SLC26A3: variants seen among roughly 807,000 people sequenced by gnomAD.
SLC26A3 encodes solute carrier family 26 member 3, also known as chloride anion exchanger.
Under a neutral mutation model 85.6 loss-of-function variants are expected in SLC26A3, and 64 were observed. The ratio of observed to expected loss-of-function variants is 0.75; its 90% CI spans 0.61 to 0.92. SLC26A3 has a LOEUF of 0.92. Among genes scored for constraint, SLC26A3 ranks in the 40% least tolerant of loss-of-function variants. The probability of loss-of-function intolerance (pLI) is 0.00; values close to 1 mark genes in which losing one functional copy is unlikely to be tolerated. For synonymous variants in SLC26A3, 349 were observed against 336.0 expected, an observed-to-expected ratio of 1.04 and a Z score of -0.42; for missense variants, 922 against 927.3, an observed-to-expected ratio of 0.99 and a Z score of 0.07.
intron 1 of SLC26A3, among the ~76,000 whole-genome samples, chr7:107,796,941 G>A (rs969771672): frequency 4.6e-5 from 7 of 152,058 alleles, no homozygotes; most frequent in African/African-American, 1.7e-4. Context: ...AGATCTTGAA[G>A]GTACTTTTAT....
Position 107,787,497 on chromosome 7 carries a change from C to T in SLC26A3, c.748G>A (p.Val250Ile). 2 of 1,613,312 alleles carry T rather than the reference C, an allele frequency of 1.2e-6. No individual in the cohort carries two copies. The highest frequency in any genetic ancestry group is 1.7e-6 in the Non-Finnish European group (2 of 1,179,638). ...PVSIFKVLYSVFSQIEKTNIA... is the reference protein window; with the variant it reads ...PVSIFKVLYSIFSQIEKTNIA... Reference sequence around the variant, plus strand: ...TTAGTCTTCTCTATTTGTGAGAATACAGAGTATAGTACCTACAATTATAAA... The same window carrying T: ...TTAGTCTTCTCTATTTGTGAGAATATAGAGTATAGTACCTACAATTATAAA... Residue 250 changes from valine to isoleucine, a missense_variant, in exon 7 of 21, where the codon GTA (valine) becomes ATA (isoleucine). By Grantham distance (29) the Val-to-Ile change is conservative. Transcript: ENST00000340010.
chr7:107,779,566 A>C, intron 12 of SLC26A3, 102 bp downstream of exon 12: 1 of 979,960 alleles, frequency 1.0e-6, no homozygotes. Flanking sequence ...GATATATAGA[A>C]ACAAAATTTC....
chr7:107,773,087 T>C (rs1794053477), intron 17 of SLC26A3, among the ~76,000 whole-genome samples: 1 of 152,220 alleles, frequency 6.6e-6, no homozygotes, highest in Non-Finnish European at 1.5e-5. Context: ...AGAAATATGA[T>C]TAATCTGTGG....
intron 20 of SLC26A3, 82 bp downstream of exon 20, chr7:107,767,497 A>G: frequency 1.0e-6 from 1 of 1,000,536 alleles, no homozygotes. Flanking sequence ...TTTCTGCCAC[A>G]TGCAGGAAGT....
At chr7:107,802,337 T>C (rs1472658274) in intron 1 of SLC26A3, among the ~76,000 whole-genome samples, 1 of 152,144 alleles carries the variant, frequency 6.6e-6, no homozygotes, top group Non-Finnish European at 1.5e-5. Context: ...TAATGTATTA[T>C]ATTATATTAT....
chr7:107,798,125 AT>A (rs1287213962), intron 1 of SLC26A3, among the ~76,000 whole-genome samples: 1 of 151,310 alleles, frequency 6.6e-6, no homozygotes, highest in Non-Finnish European at 1.5e-5. Context: ...GCTTTTTATT[AT>A]TTTTTTGGCC....
intron 15 of SLC26A3, chr7:107,776,093 C>G (rs1794110302): frequency 3.0e-6 from 1 of 335,764 alleles, no homozygotes; most frequent in Non-Finnish European, 5.7e-6. Context: ...AGGATGTGGT[C>G]AAATATTAAA....
chr7:107,765,797 G>T lies in SLC26A3; in HGVS notation c.*58C>A. On this transcript the variant is annotated 3_prime_UTR_variant, in exon 21 of 21. Transcript: ENST00000340010. ...GTATGAACTTATCAATAACTTTCTG[G>T]GTATAAAGTTGTTTTTATGTCATAG... 1 of 1,218,240 alleles carries T rather than the reference G, an allele frequency of 8.2e-7. No homozygotes were observed. Among genetic ancestry groups the T allele is most frequent in the Non-Finnish European group, 1.2e-6 (1 of 820,666 alleles). 75.5% of individuals were successfully genotyped at this position (1,218,240 alleles called of 1,614,324 possible).
intron 8 of SLC26A3, among the ~76,000 whole-genome samples, chr7:107,786,545 C>G (rs1453721240): frequency 6.7e-6 from 1 of 148,266 alleles, no homozygotes; most frequent in Non-Finnish European, 1.5e-5. Context: ...CCCTGCTTGT[C>G]TTGTTTGTGA....
intron 8 of SLC26A3, among the ~76,000 whole-genome samples, chr7:107,784,173 A>T (rs936937877): frequency 6.6e-6 from 1 of 152,168 alleles, no homozygotes; most frequent in South Asian, 2.1e-4. Context: ...ATGGTAATAC[A>T]TTTTTATCTC....
chr7:107,771,959 A>G (rs1461270253), intron 18 of SLC26A3, 95 bp downstream of exon 18: 1 of 839,640 alleles, frequency 1.2e-6, no homozygotes, highest in East Asian at 2.5e-5. Flanking sequence ...ATGATTATAT[A>G]AAATACTCAT....
intron 13 of SLC26A3, among the ~76,000 whole-genome samples, chr7:107,777,929 C>A (rs1353477556): frequency 6.6e-6 from 1 of 152,324 alleles, no homozygotes; most frequent in East Asian, 1.9e-4. Flanking sequence ...TTTATTTGAA[C>A]TGGAGTCAAA....
chr7:107,789,067 G>C (rs1244592452), intron 6 of SLC26A3, among the ~76,000 whole-genome samples: 1 of 150,122 alleles, frequency 6.7e-6, no homozygotes, highest in African/African-American at 2.4e-5. Flanking sequence ...TGGGATTACA[G>C]GTATGAGCCA....
At chr7:107,800,269 G>A (rs2283045) in intron 1 of SLC26A3, among the ~76,000 whole-genome samples, 74,077 of 152,076 alleles carry the variant, frequency 0.49, 19,239 homozygotes, top group African/African-American at 0.67. Flanking sequence ...CTGAAGTGGG[G>A]AGATTGCTTG....
intron 3 of SLC26A3, 73 bp from the exon 4 acceptor site, chr7:107,792,013 G>A: frequency 1.1e-6 from 1 of 912,262 alleles, no homozygotes. Flanking sequence ...TGGTTCTTAT[G>A]GTATTTAGAA....
Position 107,786,915 on chromosome 7 carries a change from A to G in SLC26A3, c.889-6T>C, listed in dbSNP as rs17154430. ...ACACCTGCTGCAATCACGGTCTGCA[A>G]AGTTGCAAATGGCCCAAGTTAGAAA... On this transcript the variant is annotated splice_region_variant and splice_polypyrimidine_tract_variant and intron_variant, in intron 7 of 20. Coordinates refer to ENST00000340010, the MANE Select transcript of SLC26A3 (RefSeq NM_000111.3). The G allele has an allele frequency of 2.8e-3, 4,492 of 1,613,366 alleles. 101 individuals carry two copies. The African/African-American group carries it at 0.054, about 19-fold the overall frequency.
chr7:107,789,847 C>T (rs1001395252), intron 5 of SLC26A3, among the ~76,000 whole-genome samples, 159 bp from the exon 6 acceptor site: 1 of 152,214 alleles, frequency 6.6e-6, no homozygotes, highest in Admixed American at 6.5e-5. Flanking sequence ...GGACGCCTCC[C>T]ACCCAGGGCT....
chr7:107,792,009 T>C, intron 3 of SLC26A3, 69 bp from the exon 4 acceptor site: 2 of 926,304 alleles, frequency 2.2e-6, no homozygotes, highest in East Asian at 4.8e-5. Flanking sequence ...CATTTGGTTC[T>C]TATGGTATTT....
intron 1 of SLC26A3, among the ~76,000 whole-genome samples, chr7:107,796,119 TTATTA>T (rs1246423364): frequency 7.3e-6 from 1 of 137,374 alleles, no homozygotes; most frequent in Non-Finnish European, 1.6e-5. Flanking sequence ...ATTATTATTA[TTATTA>T]TTAGAGACAG....
Sources: gnomAD v4.1 joint callset for allele counts (sites outside exome capture counted in the v4.1 genomes callset) on GRCh38, gnomAD v4.1.1 for gene constraint, MANE v1.5 for transcripts, NCBI Gene and HGNC (gene_info 2026-07-23, HGNC 2026-07-21) for gene names.